Variants in IMMP2L observed in about 807,000 individuals in gnomAD.
The protein encoded by IMMP2L is mitochondrial inner membrane protease subunit 2.
In IMMP2L, 18 loss-of-function variants were observed where a neutral mutation model predicts 19.3. The ratio of observed to expected loss-of-function variants is 0.93; its 90% CI spans 0.64 to 1.38. The LOEUF is 1.38. Ranked by LOEUF, IMMP2L falls within the 40% of genes most tolerant of loss-of-function variation. The pLI is 0.00. For synonymous variants in IMMP2L, 76 were observed against 73.0 expected, an observed-to-expected ratio of 1.04 and a Z score of -0.21; for missense variants, 233 against 218.2, an observed-to-expected ratio of 1.07 and a Z score of -0.43.
In IMMP2L at chr7:111,126,115, G is replaced by A. The variant is rs1346487746; in HGVS notation, c.240-162550C>T. Among the ~76,000 whole-genome samples, 5 of 152,006 alleles carry A rather than the reference G, an allele frequency of 3.3e-5. No homozygotes were observed. In the East Asian group the frequency reaches 7.7e-4, roughly 23 times the overall value. ...TGGGATTACAGGCATGAGCCACCAC[G>A]CCAGGTCTAGGCTGCTTGCTTTGCA... On this transcript the variant is annotated intron_variant, in intron 3 of 5. Coordinates refer to ENST00000405709, the MANE Select transcript of IMMP2L (RefSeq NM_032549.4).
At chr7:110,739,425 A>T (rs977168585) in intron 5 of IMMP2L, among the ~76,000 whole-genome samples, 1 of 152,180 alleles carries the variant, frequency 6.6e-6, no homozygotes, top group African/African-American at 2.4e-5. Flanking sequence ...TTCTTATATC[A>T]AACAAAACAA....
chr7:110,742,072 C>T lies in IMMP2L; in HGVS notation c.409-78351G>A, dbSNP rs116430240. ...AGTAATGGCAAGGCTAGACGCTTAA[C>T]GTAGCCTCAAGAATTACAACACTAG... is the stretch of plus-strand genomic sequence containing the variant. On this transcript the variant is annotated intron_variant, in intron 5 of 5. Transcript: ENST00000405709. Among the ~76,000 whole-genome samples, 428 of 152,164 alleles carry T rather than the reference C, an allele frequency of 2.8e-3. 4 individuals are homozygous for T. Among genetic ancestry groups the T allele is most frequent in the African/African-American group, 9.7e-3 (402 of 41,518 alleles).
At chr7:111,057,417 CAAA>C (rs57175268) in intron 3 of IMMP2L, among the ~76,000 whole-genome samples, 29 of 149,226 alleles carry the variant, frequency 1.9e-4, no homozygotes, top group African/African-American at 5.4e-4. Context: ...AGTCTAACAC[CAAA>C]AAAAAAAAAC....
intron 3 of IMMP2L, among the ~76,000 whole-genome samples, chr7:111,003,659 G>A (rs1823970014): frequency 1.3e-5 from 2 of 151,910 alleles, no homozygotes; most frequent in South Asian, 2.1e-4. Flanking sequence ...CTACAGTTGG[G>A]TGTCATCACA....
intron 5 of IMMP2L, among the ~76,000 whole-genome samples, chr7:110,816,325 G>C (rs1802512135): frequency 6.6e-6 from 1 of 152,106 alleles, no homozygotes; most frequent in African/African-American, 2.4e-5. Context: ...ACTGTGGTCT[G>C]AGAGACAGTT....
intron 3 of IMMP2L, chr7:111,124,165 T>C (rs376819580): frequency 6.2e-7 from 1 of 1,613,954 alleles, no homozygotes; most frequent in African/African-American, 1.3e-5. Context: ...TCAAAAACTC[T>C]TGCCTAATAC....
intron 3 of IMMP2L, among the ~76,000 whole-genome samples, chr7:111,274,945 T>G (rs1818857275): frequency 6.6e-6 from 1 of 152,178 alleles, no homozygotes; most frequent in Non-Finnish European, 1.5e-5. Flanking sequence ...CATTTACAGC[T>G]CTGTCTGCTT....
At chr7:111,526,458 T>G (rs954269126) in intron 1 of IMMP2L, among the ~76,000 whole-genome samples, 6 of 152,180 alleles carry the variant, frequency 3.9e-5, no homozygotes, top group African/African-American at 1.4e-4. Context: ...TTTTCTTCTT[T>G]GAATTTTTGC....
At chr7:110,925,278 G>A (rs552235715) in intron 4 of IMMP2L, among the ~76,000 whole-genome samples, 1 of 152,122 alleles carries the variant, frequency 6.6e-6, no homozygotes, top group African/African-American at 2.4e-5. Flanking sequence ...CTAACTTCAC[G>A]AGTATGGCCT....
rs144338844 is a variant in IMMP2L, at chr7:110,784,880, G to A, written c.408+101713C>T. Among the ~76,000 whole-genome samples, 234 of 151,944 alleles carry A rather than the reference G, an allele frequency of 1.5e-3. 1 individual carries two copies. The highest frequency in any genetic ancestry group is 5.4e-3 in the African/African-American group (225 of 41,504). ...TAGAGCTGCACTGTCCAGCATGGTA[G>A]CCACTCACCACAGAGATTATACTCA... On this transcript the variant is annotated intron_variant, in intron 5 of 5. Transcript: ENST00000405709.
At chr7:110,700,041 T>C (rs1584540406) in intron 5 of IMMP2L, among the ~76,000 whole-genome samples, 1 of 152,154 alleles carries the variant, frequency 6.6e-6, no homozygotes, top group Non-Finnish European at 1.5e-5. Flanking sequence ...TCTTCCCTGG[T>C]CAAGCCTCTG....
chr7:110,873,943 A>T lies in IMMP2L; in HGVS notation c.408+12650T>A, dbSNP rs113552969. 2.3e-4 allele frequency among the ~76,000 whole-genome samples: 35 copies of T among 152,260 alleles called. 1 individual carries two copies. The highest frequency in any genetic ancestry group is 8.4e-4 in the African/African-American group (35 of 41,554). On this transcript the variant is annotated intron_variant, in intron 5 of 5. Transcript: ENST00000405709. ...CCTCTTAAGGAGGGGCTACTACTTAAGGGGGTAAAAAAATCAGGGGCTGAG... is the reference window on the plus strand; with the variant it reads ...CCTCTTAAGGAGGGGCTACTACTTATGGGGGTAAAAAAATCAGGGGCTGAG...
chr7:111,076,371 G>C (rs191139032), intron 3 of IMMP2L, among the ~76,000 whole-genome samples: 1 of 152,338 alleles, frequency 6.6e-6, no homozygotes, highest in African/African-American at 2.4e-5. Context: ...ATTGAAAGCT[G>C]TGATCTATGG....
chr7:111,530,789 T>C (rs1276221717), intron 1 of IMMP2L, among the ~76,000 whole-genome samples: 1 of 152,080 alleles, frequency 6.6e-6, no homozygotes, highest in Non-Finnish European at 1.5e-5. Context: ...AAATTTTTCC[T>C]CAAAACTTTG....
At chr7:111,249,482 G>A (rs1815809307) in intron 3 of IMMP2L, among the ~76,000 whole-genome samples, 1 of 151,576 alleles carries the variant, frequency 6.6e-6, no homozygotes, top group African/African-American at 2.4e-5. Flanking sequence ...ACCGTCTTCT[G>A]CGTCGCTCAC....
chr7:111,041,821 A>C (rs1415588480), intron 3 of IMMP2L, among the ~76,000 whole-genome samples: 1 of 152,188 alleles, frequency 6.6e-6, no homozygotes, highest in Non-Finnish European at 1.5e-5. Context: ...GTACATAGGG[A>C]TATGAGGCAA....
chr7:110,964,018 C>T (rs971580933), intron 3 of IMMP2L, among the ~76,000 whole-genome samples: 2 of 123,278 alleles, frequency 1.6e-5, no homozygotes, highest in African/African-American at 6.6e-5. Context: ...TCATGTTGTT[C>T]TCACGAGATT....
In IMMP2L at chr7:110,825,434, C is replaced by G. The variant is rs1254558809; in HGVS notation, c.408+61159G>C. Among the ~76,000 whole-genome samples the G allele has an allele frequency of 2.0e-5, 3 of 152,274 alleles. No individual in the cohort carries two copies. The East Asian group carries it at 5.8e-4, about 29-fold the overall frequency. ...AGGCATCATGCTACCTGACTTCAAA[C>G]TATACTACGAGGCTACAGTAACCAA... is the stretch of plus-strand genomic sequence containing the variant. On this transcript the variant is annotated intron_variant, in intron 5 of 5. Transcript: ENST00000405709.
intron 3 of IMMP2L, among the ~76,000 whole-genome samples, chr7:111,480,359 C>T (rs932985721): frequency 6.6e-6 from 1 of 151,902 alleles, no homozygotes. Flanking sequence ...AGATTACAGG[C>T]GTGAGCCACT....
Sources: allele counts gnomAD v4.1 joint callset (sites outside exome capture counted in the v4.1 genomes callset), GRCh38; gene constraint gnomAD v4.1.1; transcripts MANE v1.5; gene names NCBI Gene and HGNC (gene_info 2026-07-23, HGNC 2026-07-21).